The following ELOA2 variants were observed in gnomAD, a reference collection of about 807,000 sequenced individuals.
The protein encoded by ELOA2 is elongin A2.
For synonymous variants in ELOA2, 497 were observed against 398.8 expected (o/e 1.25, Z -2.94); for missense variants, 1,271 against 979.7 (o/e 1.30, Z -3.97).
At position 47,032,910 on chromosome 18, in the gene ELOA2, CTGGTGTCCAT is replaced by C; in HGVS notation, c.*83_*92del. 6.2e-7 allele frequency: 1 copy of C among 1,605,390 alleles called. No individual in the cohort carries two copies. Among genetic ancestry groups the C allele is most frequent in the South Asian group, 1.1e-5 (1 of 89,978 alleles). On this transcript the variant is annotated 3_prime_UTR_variant, in exon 1 of 1. Transcript: ENST00000332567. ...TCAACTTTGCACCAAGTTAAAGGTT[CTGGTGTCCAT>C]TGGAAGTTTCGTTCCCCAACCCGCA...
In ELOA2 at chr18:47,035,313, C is replaced by G. The variant is rs533832703; in HGVS notation, c.-49G>C. Reference sequence around the variant, plus strand: ...GCTGTCCCGGCGGTCGCAGCTCTGTCTTTGGGGCTGCGGGACAGGAAGTCT... The same window carrying G: ...GCTGTCCCGGCGGTCGCAGCTCTGTGTTTGGGGCTGCGGGACAGGAAGTCT... On this transcript the variant is annotated 5_prime_UTR_variant, in exon 1 of 1. Coordinates refer to ENST00000332567, the MANE Select transcript of ELOA2 (RefSeq NM_016427.3). 1 of 1,610,256 alleles carries G rather than the reference C, an allele frequency of 6.2e-7. No homozygotes were observed. The highest frequency in any genetic ancestry group is 8.5e-7 in the Non-Finnish European group (1 of 1,178,494).
chr18:47,034,767 G>T lies in ELOA2; in HGVS notation c.498C>A (p.Gly166=), dbSNP rs771252038. The change falls in exon 1 of 1, where the codon GGC becomes GGA. Residue 166 remains glycine, a synonymous_variant. Transcript: ENST00000332567. Reference sequence around the variant, plus strand: ...TGCGCGTTGGAGAGGCCCGATAGCGGCCGGAATCAGCTGGGGCTATTCTGG... The same window carrying T: ...TGCGCGTTGGAGAGGCCCGATAGCGTCCGGAATCAGCTGGGGCTATTCTGG... ...KCPRIAPADS[G]RYRASPTRTA... 17 of 1,612,644 alleles carry T rather than the reference G, an allele frequency of 1.1e-5. No individual in the cohort carries two copies. The South Asian group carries it at 1.8e-4, about 17-fold the overall frequency.
At position 47,035,313 on chromosome 18, in the gene ELOA2, C is replaced by T. The variant is rs533832703; in HGVS notation, c.-49G>A. On this transcript the variant is annotated 5_prime_UTR_variant, in exon 1 of 1. Transcript: ENST00000332567. ...GCTGTCCCGGCGGTCGCAGCTCTGT[C>T]TTTGGGGCTGCGGGACAGGAAGTCT... is the stretch of plus-strand genomic sequence containing the variant. The T allele has an allele frequency of 1.9e-6, 3 of 1,610,256 alleles. No individual in the cohort carries two copies. The highest frequency in any genetic ancestry group is 3.3e-5 in the Admixed American group (2 of 59,922).
Position 47,033,600 on chromosome 18 carries a change from A to G in ELOA2, c.1665T>C (p.Leu555=). 1 of 1,614,170 alleles carries G rather than the reference A, an allele frequency of 6.2e-7. No individual in the cohort carries two copies. ...GCCTCCACCCTTCCAGAACAGGTTC[A>G]AGAACCCAGTAGGGGACCTCTCCCA... is the stretch of plus-strand genomic sequence containing the variant. ...SDVGEVPYWV[L]EPVLEGWRPD... is the part of the protein sequence containing the mutation. Residue 555 remains leucine, a synonymous_variant, in exon 1 of 1, where the codon CTT becomes CTC. Coordinates refer to ENST00000332567, the MANE Select transcript of ELOA2 (RefSeq NM_016427.3).
chr18:47,033,973 G>C lies in ELOA2; in HGVS notation c.1292C>G (p.Pro431Arg), dbSNP rs1205355120. 1 of 1,613,456 alleles carries C rather than the reference G, an allele frequency of 6.2e-7. No homozygotes were observed. The highest frequency in any genetic ancestry group is 8.5e-7 in the Non-Finnish European group (1 of 1,180,044). Residue 431 changes from proline to arginine, a missense_variant, in exon 1 of 1, where the codon CCT becomes CGT. Transcript: ENST00000332567. Reference sequence around the variant, plus strand: ...CTCTGACTGGCTTTCCTGGACAGGAGGCAATTTCTTAGCCGAATCCCAGGA... The same window carrying C: ...CTCTGACTGGCTTTCCTGGACAGGACGCAATTTCTTAGCCGAATCCCAGGA... ...RESWDSAKKL[P>R]PVQESQSERL...
At position 47,034,855 on chromosome 18, in the gene ELOA2, G is replaced by T; in HGVS notation, c.410C>A (p.Pro137Gln). The T allele has an allele frequency of 6.2e-7, 1 of 1,612,130 alleles. No homozygotes were observed. Residue 137 changes from proline to glutamine, a missense_variant, in exon 1 of 1, where the codon CCG becomes CAG. Physicochemically the swap from Pro to Gln is moderately conservative, Grantham distance 76. Transcript: ENST00000332567. ...EHRRTARRTP[P>Q]GQQRPHPRSH... ...CCTCGGGTGAGGTCTCTGTTGCCCC[G>T]GAGGTGTTCTGCGTGCTGTCCGTCT...
Position 47,033,727 on chromosome 18 carries a change from G to A in ELOA2, c.1538C>T (p.Pro513Leu), listed in dbSNP as rs781198420. ...GGCAGGCCTGGAGCCCGAGTACACC[G>A]GCATCTTAGCATTCACTCTGCGTCC... ...FPGRRVNAKMPVYSGSRPACQ... is the reference protein window; with the variant it reads ...FPGRRVNAKMLVYSGSRPACQ... The change falls in exon 1 of 1, where the codon CCG becomes CTG. Residue 513 changes from proline to leucine, a missense_variant. By Grantham distance (98) the Pro-to-Leu change is moderately conservative. Coordinates refer to ENST00000332567, the MANE Select transcript of ELOA2 (RefSeq NM_016427.3). The A allele has an allele frequency of 3.1e-6, 5 of 1,614,160 alleles. No homozygotes were observed. Among genetic ancestry groups the A allele is most frequent in the Non-Finnish European group, 8.5e-7 (1 of 1,180,042 alleles).
At position 47,034,613 on chromosome 18, in the gene ELOA2, T is replaced by C. The variant is rs747761241; in HGVS notation, c.652A>G (p.Lys218Glu). Residue 218 changes from lysine (K) to glutamate (E), a missense_variant, in exon 1 of 1, where the codon AAA (lysine) becomes GAA (glutamate). By Grantham distance (56) the Lys-to-Glu change is moderately conservative. Coordinates refer to ENST00000332567, the MANE Select transcript of ELOA2 (RefSeq NM_016427.3). ...CCCTTGCTGTGGCTCACAACGGCTT[T>C]CCCCTGGGGTTGGCCCTGGCAGCCT... ...CPGCQGQPQG[K>E]AVVSHSKGHK... is the part of the protein sequence containing the mutation. 1.9e-5 allele frequency: 30 copies of C among 1,614,006 alleles called. No homozygotes were observed. The Admixed American group carries it at 3.3e-4, about 18-fold the overall frequency.
Position 47,034,449 on chromosome 18 carries a change from C to T in ELOA2, c.816G>A (p.Arg272=), listed in dbSNP as rs2060656199. ...TCTTGAAGTCCGAAGGCTGCCTGTC[C>T]CTGGCACTTGCCCAGGAGGGCATCC... ...TPRMPSWASA[R]DRQPSDFKTD... Residue 272 remains arginine (R), a synonymous_variant, in exon 1 of 1, where the codon AGG becomes AGA. Transcript: ENST00000332567. 6.2e-7 allele frequency: 1 copy of T among 1,614,174 alleles called. No homozygotes were observed. Among genetic ancestry groups the T allele is most frequent in the Non-Finnish European group, 8.5e-7 (1 of 1,180,046 alleles).
In ELOA2 at chr18:47,032,721, A is replaced by G. The variant is rs919800912; in HGVS notation, c.*282T>C. On this transcript the variant is annotated 3_prime_UTR_variant, in exon 1 of 1. Coordinates refer to ENST00000332567, the MANE Select transcript of ELOA2 (RefSeq NM_016427.3). Reference sequence around the variant, plus strand: ...ATCTTTTTCCTTATTTATGATTACAACTAGGGTGTTTTTAAAAATTATCAG... The same window carrying G: ...ATCTTTTTCCTTATTTATGATTACAGCTAGGGTGTTTTTAAAAATTATCAG... 2.0e-5 allele frequency: 11 copies of G among 556,870 alleles called. No homozygotes were observed. The highest frequency in any genetic ancestry group is 3.4e-5 in the Non-Finnish European group (11 of 319,012). The allele number at this position is 556,870 out of a possible 1,614,324, so 34.5% of individuals were successfully genotyped here.
chr18:47,034,706 C>A lies in ELOA2; in HGVS notation c.559G>T (p.Ala187Ser), dbSNP rs149522210. ...PLRMPEGPEP[A>S]APGKQPGRGH... ...CTTCCGGGTTGCTTCCCGGGCGCAGCGGGCTCAGGGCCCTCGGGCATCCGG... is the reference window on the plus strand; with the variant it reads ...CTTCCGGGTTGCTTCCCGGGCGCAGAGGGCTCAGGGCCCTCGGGCATCCGG... Residue 187 changes from alanine to serine, a missense_variant, in exon 1 of 1, where the codon GCT becomes TCT. Transcript: ENST00000332567. 3 of 1,612,958 alleles carry A rather than the reference C, an allele frequency of 1.9e-6. No homozygotes were observed. The highest frequency in any genetic ancestry group is 1.7e-5 in the Admixed American group (1 of 59,994).
rs2060603791 is a variant in ELOA2 at position 47,033,662 on chromosome 18, G to C, written c.1603C>G (p.Gln535Glu). The C allele has an allele frequency of 6.2e-7, 1 of 1,614,096 alleles. No homozygotes were observed. The highest frequency in any genetic ancestry group is 1.1e-5 in the South Asian group (1 of 91,088). ...QVPTLRQQCAQVLRNNPDALS... is the reference protein window; with the variant it reads ...QVPTLRQQCAEVLRNNPDALS... Reference sequence around the variant, plus strand: ...GCGTCCGGATTGTTTCTAAGCACCTGGGCACACTGCTGGCGCAGCGTCGGC... The same window carrying C: ...GCGTCCGGATTGTTTCTAAGCACCTCGGCACACTGCTGGCGCAGCGTCGGC... Residue 535 changes from glutamine (Q) to glutamate (E), a missense_variant, in exon 1 of 1, where the codon CAG becomes GAG. Gln to Glu is a conservative substitution (Grantham distance 29, BLOSUM62 2). Transcript: ENST00000332567.
chr18:47,033,393 C>T lies in ELOA2; in HGVS notation c.1872G>A (p.Thr624=), dbSNP rs1440890720. ...TGTTTCCACGTGCAGATCGGATATT[C>T]GTTGTCATTACTCTCAGCCGCTGCT... ...APEQRLRVMT[T]NIRSARGNNP... is the part of the protein sequence containing the mutation. Residue 624 remains threonine, a synonymous_variant, in exon 1 of 1, where the codon ACG becomes ACA. Coordinates refer to ENST00000332567, the MANE Select transcript of ELOA2 (RefSeq NM_016427.3). 2 of 1,614,082 alleles carry T rather than the reference C, an allele frequency of 1.2e-6. No individual in the cohort carries two copies. The highest frequency in any genetic ancestry group is 2.7e-5 in the African/African-American group (2 of 74,928).
Position 47,035,332 on chromosome 18 carries a change from G to T in ELOA2, c.-68C>A. On this transcript the variant is annotated 5_prime_UTR_variant, in exon 1 of 1. Coordinates refer to ENST00000332567, the MANE Select transcript of ELOA2 (RefSeq NM_016427.3). ...CTCTGTCTTTGGGGCTGCGGGACAG[G>T]AAGTCTGGGGTGGCCGGTCCTCGCT... The T allele has an allele frequency of 6.2e-7, 1 of 1,606,192 alleles. No individual in the cohort carries two copies. The highest frequency in any genetic ancestry group is 1.1e-5 in the South Asian group (1 of 90,722).
At chr18:47,033,008 G>A in the ELOA2 span, 29 of 1,613,974 alleles carry the variant, frequency 1.8e-5, no homozygotes, top group African/African-American at 2.7e-5. Context: ...TGAGTTTATC[G>A]TCGGGAGAAT....
In ELOA2 at chr18:47,034,296, C is replaced by G; in HGVS notation, c.969G>C (p.Arg323=). ...GGCCGTGTGTCCCATTTCCTGGGTC[C>G]CGGCCGTCTAGACTGGGCCTCTTCT... The part of the protein sequence containing the change: ...SNKKRPSLDG[R]DPGNGTHGLS... Residue 323 remains arginine (R), a synonymous_variant, in exon 1 of 1, where the codon CGG becomes CGC. Coordinates refer to ENST00000332567, the MANE Select transcript of ELOA2 (RefSeq NM_016427.3). 4 of 1,613,570 alleles carry G rather than the reference C, an allele frequency of 2.5e-6. No homozygotes were observed. The highest frequency in any genetic ancestry group is 3.4e-6 in the Non-Finnish European group (4 of 1,179,504).
rs374902915 is a variant in ELOA2, at chr18:47,033,771, C to T, written c.1494G>A (p.Arg498=). The T allele has an allele frequency of 1.1e-5, 17 of 1,614,216 alleles. No homozygotes were observed. Among genetic ancestry groups the T allele is most frequent in the East Asian group, 2.2e-5 (1 of 44,882 alleles). The part of the protein sequence containing the change: ...KPEALSSPKF[R]EEAAFPGRRV... ...TGCGTCCAGGGAAAGCAGCTTCCTC[C>T]CGGAACTTTGGTGAAGAGAGTGCTT... Residue 498 remains arginine (R), a synonymous_variant, in exon 1 of 1, where the codon CGG becomes CGA. Transcript: ENST00000332567.
chr18:47,033,770 C>T lies in ELOA2; in HGVS notation c.1495G>A (p.Glu499Lys). ...CTGCGTCCAGGGAAAGCAGCTTCCT[C>T]CCGGAACTTTGGTGAAGAGAGTGCT... ...PEALSSPKFR[E>K]EAAFPGRRVN... Residue 499 changes from glutamate (E) to lysine (K), a missense_variant, in exon 1 of 1, where the codon GAG becomes AAG. Transcript: ENST00000332567. The T allele has an allele frequency of 3.1e-6, 5 of 1,614,206 alleles. No individual in the cohort carries two copies. The South Asian group carries it at 3.3e-5, about 11-fold the overall frequency.
rs1048470803 is a variant in ELOA2 at position 47,033,233 on chromosome 18, G to T, written c.2032C>A (p.Pro678Thr). Reference protein sequence around the residue: ...ENGEIKPASKPAGSSHTPSSQ... With the variant: ...ENGEIKPASKTAGSSHTPSSQ... ...GAGGGAGTGTGGCTGCTTCCCGCGG[G>T]CTTGGAGGCTGGCTTGATCTCCCCA... Residue 678 changes from proline (P) to threonine (T), a missense_variant, in exon 1 of 1, where the codon CCC (proline) becomes ACC (threonine). Physicochemically the swap from Pro to Thr is conservative, Grantham distance 38. Transcript: ENST00000332567. 2.5e-6 allele frequency: 4 copies of T among 1,613,744 alleles called. No homozygotes were observed. The African/African-American group carries it at 4.0e-5, about 16-fold the overall frequency.
Sources: allele counts gnomAD v4.1 joint callset, GRCh38; gene constraint gnomAD v4.1.1; transcripts MANE v1.5; gene names NCBI Gene and HGNC (gene_info 2026-07-23, HGNC 2026-07-21).